TEX14: variants seen among roughly 807,000 people sequenced by gnomAD.
The protein encoded by TEX14 is testis expressed 14, intercellular bridge forming factor, also known as inactive serine/threonine-protein kinase TEX14.
TEX14 carries 168 observed loss-of-function variants against 178.6 expected under a neutral mutation model. The observed-to-expected ratio is 0.94, with a 90% CI of 0.83 to 1.07. TEX14 has a LOEUF of 1.07. Ranked by LOEUF, TEX14 falls within the 50% of genes least tolerant of loss-of-function variation. TEX14 has a pLI of 0.00. For missense variants in TEX14, 1,730 were observed against 1,753.6 expected, an observed-to-expected ratio of 0.99 and a Z score of 0.24; for synonymous variants, 626 against 634.1, an observed-to-expected ratio of 0.99 and a Z score of 0.19.
At chr17:58,649,645 T>TA (rs1050547986) in intron 2 of TEX14, among the ~76,000 whole-genome samples, 2 of 152,024 alleles carry the variant, frequency 1.3e-5, no homozygotes, top group African/African-American at 2.4e-5. Context: ...TGATGTTCAC[T>TA]AAAAAAAAGT....
intron 10 of TEX14, among the ~76,000 whole-genome samples, chr17:58,608,265 A>G (rs944918413): frequency 6.6e-5 from 10 of 152,074 alleles, no homozygotes; most frequent in African/African-American, 2.4e-4. Context: ...AAAATACAAA[A>G]AATTAGCCGG....
chr17:58,671,410 A>G (rs977170466), intron 1 of TEX14, among the ~76,000 whole-genome samples: 3 of 152,092 alleles, frequency 2.0e-5, no homozygotes, highest in Non-Finnish European at 4.4e-5. Flanking sequence ...GCCCCTTCCC[A>G]TTCTCAGGCT....
rs945775744 is a variant in TEX14 at position 58,661,538 on chromosome 17, C to A, written c.-1-9536G>T. The stretch of plus-strand genomic sequence containing the variant: ...TTCGACTTCGTCCAGAAGCTGTTTG[C>A]TGGAATCGAACAGCTCGGGGAGCCG... On this transcript the variant is annotated intron_variant, in intron 1 of 31. Coordinates refer to ENST00000349033, the MANE Select transcript of TEX14 (RefSeq NM_031272.5). The A allele has an allele frequency of 6.4e-6, 5 of 776,598 alleles. 1 individual carries two copies. The highest frequency in any genetic ancestry group is 4.5e-4 in the Middle Eastern group (2 of 4,422). The allele number at this position is 776,598 out of a possible 1,614,324, so 48.1% of individuals were successfully genotyped here.
chr17:58,617,459 T>C (rs1198748037), intron 6 of TEX14, 79 bp downstream of exon 6: 2 of 1,029,486 alleles, frequency 1.9e-6, no homozygotes, highest in Non-Finnish European at 3.0e-6. Flanking sequence ...GAGGCAGGAG[T>C]TGGACAAAGG....
chr17:58,621,908 G>GA (rs1442621071), intron 4 of TEX14, 122 bp from the exon 5 acceptor site: 2 of 1,123,090 alleles, frequency 1.8e-6, no homozygotes, highest in Admixed American at 5.5e-5. Context: ...CTCTCAAAAG[G>GA]AAAGGGCCCA....
intron 7 of TEX14, among the ~76,000 whole-genome samples, chr17:58,615,737 G>A (rs932335854): frequency 2.0e-5 from 3 of 152,160 alleles, no homozygotes; most frequent in African/African-American, 7.2e-5. Flanking sequence ...TTCTATAGGG[G>A]CCTCATTACC....
intron 14 of TEX14, 128 bp from the exon 15 acceptor site, chr17:58,593,789 T>G (rs2045214229): frequency 1.3e-6 from 1 of 772,772 alleles, no homozygotes; most frequent in African/African-American, 1.7e-5. Flanking sequence ...GATTTTCCTT[T>G]GCATGTTTCC....
intron 1 of TEX14, among the ~76,000 whole-genome samples, chr17:58,687,092 T>G (rs1388366996): frequency 1.3e-5 from 2 of 151,988 alleles, no homozygotes; most frequent in African/African-American, 4.8e-5. Context: ...GGAGGCTCTA[T>G]GATCAAACAC....
chr17:58,561,643 C>A, intron 28 of TEX14, 31 bp from the exon 29 acceptor site: 2 of 1,452,634 alleles, frequency 1.4e-6, no homozygotes. Context: ...AGAATGGAGA[C>A]AACAGTCATT....
At chr17:58,663,804 G>A (rs1051622589) in intron 1 of TEX14, among the ~76,000 whole-genome samples, 3 of 152,118 alleles carry the variant, frequency 2.0e-5, no homozygotes, top group Non-Finnish European at 4.4e-5. Flanking sequence ...GTTGTGGGGA[G>A]CCAAATCCAT....
intron 3 of TEX14, among the ~76,000 whole-genome samples, chr17:58,629,085 C>T (rs1404822597): frequency 6.6e-6 from 1 of 152,132 alleles, no homozygotes; most frequent in African/African-American, 2.4e-5. Flanking sequence ...ATATCCACCA[C>T]CCACTCTCCC....
intron 19 of TEX14, among the ~76,000 whole-genome samples, chr17:58,582,823 C>CA (rs1455307192): frequency 6.6e-6 from 1 of 152,082 alleles, no homozygotes; most frequent in African/African-American, 2.4e-5. Flanking sequence ...CTCGGCCTCC[C>CA]AAAGTGCTGG....
At chr17:58,591,651 AG>A (rs1376756453) in intron 15 of TEX14, among the ~76,000 whole-genome samples, 1 of 151,988 alleles carries the variant, frequency 6.6e-6, no homozygotes, top group Non-Finnish European at 1.5e-5. Flanking sequence ...AGGAATAAAA[AG>A]TTTTTTTTTC....
chr17:58,572,918 G>A (rs903165125), intron 23 of TEX14, among the ~76,000 whole-genome samples: 2 of 152,258 alleles, frequency 1.3e-5, no homozygotes, highest in African/African-American at 4.8e-5. Context: ...ACTAAATTCA[G>A]TAGTGCTTAG....
Position 58,611,192 on chromosome 17 carries a change from T to G in TEX14, c.1153A>C (p.Arg385=). The G allele has an allele frequency of 6.2e-7, 1 of 1,613,960 alleles. No homozygotes were observed. The highest frequency in any genetic ancestry group is 8.5e-7 in the Non-Finnish European group (1 of 1,179,902). The stretch of plus-strand genomic sequence containing the variant: ...AACATGTACTCCAGGTTGGTCAGCC[T>G]CGCTTCACCTGGGGAGATGATATGG... ...AVHIISPGEA[R]LTNLEYMLES... The change falls in exon 10 of 32, where the codon AGG becomes CGG. Residue 385 remains arginine, a synonymous_variant. Transcript: ENST00000349033.
intron 4 of TEX14, 122 bp from the exon 5 acceptor site, chr17:58,621,908 G>T (rs2046007552): frequency 1.8e-6 from 2 of 1,122,970 alleles, no homozygotes; most frequent in South Asian, 1.9e-5. Flanking sequence ...CTCTCAAAAG[G>T]AAAGGGCCCA....
intron 27 of TEX14, 123 bp downstream of exon 27, chr17:58,565,624 T>C (rs945069895): frequency 6.1e-6 from 4 of 655,000 alleles, no homozygotes; most frequent in East Asian, 2.8e-5. Flanking sequence ...CAAATAACTA[T>C]AAAGTCAGAC....
intron 27 of TEX14, 67 bp downstream of exon 27, chr17:58,565,680 G>A: frequency 8.5e-7 from 1 of 1,171,138 alleles, no homozygotes; most frequent in Non-Finnish European, 1.3e-6. Flanking sequence ...TTCCCTATAT[G>A]TACCACTGTG....
chr17:58,657,512 T>A (rs1354630270), intron 1 of TEX14, among the ~76,000 whole-genome samples: 1 of 134,418 alleles, frequency 7.4e-6, no homozygotes, highest in African/African-American at 2.8e-5. Flanking sequence ...CTTTTTTTTT[T>A]TTTTTTTTTT....
Sources: allele counts gnomAD v4.1 joint callset (sites outside exome capture counted in the v4.1 genomes callset), GRCh38; gene constraint gnomAD v4.1.1; transcripts MANE v1.5; gene names NCBI Gene and HGNC (gene_info 2026-07-23, HGNC 2026-07-21).